The following TRIO variants were observed in gnomAD, a reference collection of about 807,000 sequenced individuals.
The protein encoded by TRIO is trio Rho guanine nucleotide exchange factor, also known as triple functional domain protein.
TRIO carries 58 observed loss-of-function variants against 351.9 expected under a neutral mutation model. The ratio of observed to expected loss-of-function variants is 0.16; its 90% CI spans 0.13 to 0.21. The LOEUF (loss-of-function observed/expected upper bound fraction) is 0.21. Ranked by LOEUF, TRIO falls within the 10% of genes least tolerant of loss-of-function variation. The pLI is 1.00. For missense variants in TRIO, 3,201 were observed against 4,027.8 expected (o/e 0.79, Z 5.56); for synonymous variants, 1,758 against 1,595.7 (o/e 1.10, Z -2.42).
intron 34 of TRIO, among the ~76,000 whole-genome samples, chr5:14,420,953 A>G (rs190643988): frequency 6.4e-4 from 97 of 152,318 alleles, no homozygotes; most frequent in South Asian, 6.2e-4. Context: ...AGAACTAGGC[A>G]TTCATCACAC....
chr5:14,452,766 C>T (rs1192180989), intron 34 of TRIO, among the ~76,000 whole-genome samples: 1 of 152,234 alleles, frequency 6.6e-6, no homozygotes, highest in African/African-American at 2.4e-5. Flanking sequence ...GCAGTTGTTA[C>T]TCTAGAACAC....
At chr5:14,463,519 T>C (rs1384290214) in intron 36 of TRIO, among the ~76,000 whole-genome samples, 2 of 152,204 alleles carry the variant, frequency 1.3e-5, no homozygotes, top group Non-Finnish European at 2.9e-5. Flanking sequence ...TCTTGAGTTC[T>C]TACGTAGTCT....
At chr5:14,446,138 C>T (rs1490974334) in intron 34 of TRIO, among the ~76,000 whole-genome samples, 1 of 152,152 alleles carries the variant, frequency 6.6e-6, no homozygotes, top group Non-Finnish European at 1.5e-5. Flanking sequence ...AACTCCAGCC[C>T]TCCCTCCCTC....
chr5:14,219,862 C>T (rs1792481971), intron 1 of TRIO, among the ~76,000 whole-genome samples: 1 of 150,788 alleles, frequency 6.6e-6, no homozygotes, highest in Non-Finnish European at 1.5e-5. Flanking sequence ...TTTTTTTAAA[C>T]TAAAAGATGC....
intron 7 of TRIO, among the ~76,000 whole-genome samples, chr5:14,303,304 C>G (rs1466775616): frequency 5.3e-5 from 7 of 131,288 alleles, no homozygotes; most frequent in Non-Finnish European, 9.4e-5. Context: ...GGAGATTGAG[C>G]CGGGATTGGG....
At chr5:14,184,957 G>T (rs1790016038) in intron 1 of TRIO, among the ~76,000 whole-genome samples, 1 of 152,080 alleles carries the variant, frequency 6.6e-6, no homozygotes, top group African/African-American at 2.4e-5. Context: ...AGCATACTTG[G>T]TGCCAGGCTT....
At chr5:14,262,862 A>T (rs1406875137) in intron 1 of TRIO, among the ~76,000 whole-genome samples, 4 of 152,094 alleles carry the variant, frequency 2.6e-5, no homozygotes, top group African/African-American at 9.7e-5. Flanking sequence ...TGGCTATCCT[A>T]TAGGCATGTG....
At chr5:14,285,959 C>T (rs954469609) in intron 3 of TRIO, among the ~76,000 whole-genome samples, 2 of 152,126 alleles carry the variant, frequency 1.3e-5, no homozygotes, top group Non-Finnish European at 2.9e-5. Context: ...TAACCAAGTG[C>T]GACTAAGTAT....
Position 14,487,587 on chromosome 5 carries a change from A to G in TRIO, c.6959A>G (p.His2320Arg), listed in dbSNP as rs1002927132. The change falls in exon 48 of 57, where the codon CAC (histidine) becomes CGC (arginine). Residue 2320 changes from histidine to arginine, a missense_variant. By Grantham distance (29) the His-to-Arg change is conservative. Transcript: ENST00000344204. ...GGGGCCCCCAGTGGCGGCAGCGGCC[A>G]CAGTGGCGGCCCCAGCAGCTGCGGC... ...GGGAPSGGSG[H>R]SGGPSSCGGA... 13 of 1,147,010 alleles carry G rather than the reference A, an allele frequency of 1.1e-5. No individual in the cohort carries two copies. Among genetic ancestry groups the G allele is most frequent in the Non-Finnish European group, 1.3e-5 (12 of 925,600 alleles). The allele number at this position is 1,147,010 out of a possible 1,614,324, so 71.1% of individuals were successfully genotyped here. A position where few individuals can be genotyped will look rare whatever the true frequency, so the allele number is the denominator to read the frequency against.
At chr5:14,370,986 G>A (rs1745055883) in intron 18 of TRIO, among the ~76,000 whole-genome samples, 1 of 152,170 alleles carries the variant, frequency 6.6e-6, no homozygotes, top group African/African-American at 2.4e-5. Flanking sequence ...TGGACTTGTT[G>A]GTGTCAGTGC....
At chr5:14,417,862 A>G (rs1749770045) in intron 33 of TRIO, among the ~76,000 whole-genome samples, 1 of 152,202 alleles carries the variant, frequency 6.6e-6, no homozygotes, top group South Asian at 2.1e-4. Context: ...TGCTAGCTGG[A>G]TGCGGAGCAC....
intron 1 of TRIO, among the ~76,000 whole-genome samples, chr5:14,214,029 A>C (rs1212806870): frequency 6.6e-6 from 1 of 152,208 alleles, no homozygotes; most frequent in Non-Finnish European, 1.5e-5. Context: ...TTACCTGACT[A>C]CAAGTGATCC....
rs191759805 is a variant in TRIO, at chr5:14,476,832, C to T, written c.6084-62C>T. On this transcript the variant is annotated intron_variant, in intron 40 of 56. Transcript: ENST00000344204. ...AAAAAGAAAAAGAAAAAATGTAAAC[C>T]TAAATCTAAAATTAGAAGGCCACAC... 4 of 1,402,834 alleles carry T rather than the reference C, an allele frequency of 2.9e-6. No individual in the cohort carries two copies. The South Asian group carries it at 5.1e-5, about 18-fold the overall frequency. The allele number at this position is 1,402,834 out of a possible 1,614,324, so 86.9% of individuals were successfully genotyped here.
intron 34 of TRIO, among the ~76,000 whole-genome samples, chr5:14,458,637 G>A (rs1311109847): frequency 6.6e-6 from 1 of 152,242 alleles, no homozygotes; most frequent in East Asian, 1.9e-4. Flanking sequence ...TCACAGCACA[G>A]TAAGTGACTC....
rs180823657 is a variant in TRIO, at chr5:14,192,092, A to G, written c.157+48210A>G. 5.9e-3 allele frequency among the ~76,000 whole-genome samples: 898 copies of G among 152,288 alleles called. 16 individuals are homozygous for G. Among genetic ancestry groups the G allele is most frequent in the African/African-American group, 0.021 (853 of 41,556 alleles). ...AAAGAAGAATATATCTAGCATTAGT[A>G]ATGGCAATGGCAATAATGATGACAA... On this transcript the variant is annotated intron_variant, in intron 1 of 56. Transcript: ENST00000344204.
At position 14,260,217 on chromosome 5, in the gene TRIO, C is replaced by T. The variant is rs112426503; in HGVS notation, c.158-10608C>T. Among the ~76,000 whole-genome samples the T allele has an allele frequency of 8.4e-3, 1,277 of 152,260 alleles. 15 individuals carry two copies. Among genetic ancestry groups the T allele is most frequent in the African/African-American group, 0.029 (1,199 of 41,534 alleles). On this transcript the variant is annotated intron_variant, in intron 1 of 56. Coordinates refer to ENST00000344204, the MANE Select transcript of TRIO (RefSeq NM_007118.4). ...TTATTTTTAGTGTCAGCGATAGATA[C>T]AGCATTTCAATGAAAAGTAACACTT...
At chr5:14,335,184 T>G (rs1198447844) in intron 10 of TRIO, among the ~76,000 whole-genome samples, 1 of 152,234 alleles carries the variant, frequency 6.6e-6, no homozygotes, top group Non-Finnish European at 1.5e-5. Context: ...TAGAGAAACC[T>G]GGCTCCCATT....
At chr5:14,334,550 C>T (rs74772125) in intron 10 of TRIO, among the ~76,000 whole-genome samples, 3,953 of 152,236 alleles carry the variant, frequency 0.026, 101 homozygotes, top group Non-Finnish European at 0.036. Flanking sequence ...ATCCACTTAC[C>T]AAATATGAGA....
chr5:14,209,820 A>G (rs1012486992), intron 1 of TRIO, among the ~76,000 whole-genome samples: 3 of 152,272 alleles, frequency 2.0e-5, no homozygotes, highest in Admixed American at 1.3e-4. Flanking sequence ...TTAAATTGTC[A>G]GGAGATTTTT....
Sources: allele counts gnomAD v4.1 joint callset (sites outside exome capture counted in the v4.1 genomes callset), GRCh38; gene constraint gnomAD v4.1.1; transcripts MANE v1.5; gene names NCBI Gene and HGNC (gene_info 2026-07-23, HGNC 2026-07-21).